Variants in ARHGAP26 observed in about 807,000 individuals in gnomAD.
ARHGAP26 encodes rho GTPase-activating protein 26.
In ARHGAP26, 38 loss-of-function variants were observed where a neutral mutation model predicts 104.8. The observed-to-expected ratio is 0.36, with a 90% CI of 0.28 to 0.48. ARHGAP26 has a LOEUF of 0.48. Among genes scored for constraint, ARHGAP26 ranks in the 20% least tolerant of loss-of-function variants. The pLI, the probability that ARHGAP26 is intolerant of heterozygous loss-of-function variation, is 0.99. For synonymous variants in ARHGAP26, 341 were observed against 340.0 expected (o/e 1.00, Z -0.03); for missense variants, 704 against 947.9 (o/e 0.74, Z 3.38).
intron 20 of ARHGAP26, among the ~76,000 whole-genome samples, chr5:143,154,635 A>G (rs951328323): frequency 6.6e-6 from 1 of 152,138 alleles, no homozygotes; most frequent in African/African-American, 2.4e-5. Context: ...TTAAGTGATC[A>G]GTGAAGAGGA....
chr5:142,911,649 A>T (rs1761853379), intron 9 of ARHGAP26, among the ~76,000 whole-genome samples: 1 of 152,212 alleles, frequency 6.6e-6, no homozygotes, highest in Non-Finnish European at 1.5e-5. Flanking sequence ...CTTGGAACAG[A>T]ATATTAATCT....
At chr5:143,168,474 T>TTTTTTTTTTC (rs1802342962) in intron 20 of ARHGAP26, 1 of 142,476 alleles carries the variant, frequency 7.0e-6, no homozygotes, top group Non-Finnish European at 1.5e-5. Context: ...TTTTTTTTTT[T>TTTTTTTTTTC]TTGCTCAAAT....
chr5:143,088,481 A>T (rs1032096375), intron 17 of ARHGAP26, among the ~76,000 whole-genome samples: 1 of 151,940 alleles, frequency 6.6e-6, no homozygotes, highest in Middle Eastern at 3.2e-3. Flanking sequence ...AAAAAAAAAA[A>T]GTGGTTATGT....
At chr5:142,862,309 C>G (rs1306460718) in intron 1 of ARHGAP26, among the ~76,000 whole-genome samples, 2 of 152,210 alleles carry the variant, frequency 1.3e-5, no homozygotes, top group Admixed American at 1.3e-4. Flanking sequence ...TTGAGTTTTC[C>G]ATTCACAGTT....
At position 142,940,811 on chromosome 5, in the gene ARHGAP26, T is replaced by C. The variant is rs368863628; in HGVS notation, c.1107+8686T>C. ...AAAGAATTTGGCCAGGTGCGGTGGC[T>C]CATGCCTGTAATCCCAGCACTTTGG... On this transcript the variant is annotated intron_variant, in intron 11 of 22. Transcript: ENST00000645722. 3.3e-5 allele frequency among the ~76,000 whole-genome samples: 5 copies of C among 152,136 alleles called. No homozygotes were observed. In the South Asian group the frequency reaches 6.2e-4, roughly 19 times the overall value.
chr5:142,898,231 CAT>C (rs767748231), intron 6 of ARHGAP26, among the ~76,000 whole-genome samples: 2 of 151,776 alleles, frequency 1.3e-5, no homozygotes, highest in Non-Finnish European at 1.5e-5. Context: ...TACGTATGTG[CAT>C]ATATATATGT....
intron 17 of ARHGAP26, among the ~76,000 whole-genome samples, chr5:143,079,012 A>G (rs1789436982): frequency 6.6e-6 from 1 of 152,232 alleles, no homozygotes; most frequent in African/African-American, 2.4e-5. Flanking sequence ...GTAAAGGATA[A>G]TATTGGCTGT....
At position 143,225,591 on chromosome 5, in the gene ARHGAP26, A is replaced by G; in HGVS notation, c.*3145A>G. On this transcript the variant is annotated 3_prime_UTR_variant, in exon 23 of 23. Transcript: ENST00000645722. ...TCCTTGCTTTGGGGGTGCCTCACGAAGCATCCCTGTAGACATTTGGCCCCA... is the reference window on the plus strand; with the variant it reads ...TCCTTGCTTTGGGGGTGCCTCACGAGGCATCCCTGTAGACATTTGGCCCCA... The G allele has an allele frequency of 4.6e-6, 1 of 216,240 alleles. No homozygotes were observed. Among genetic ancestry groups the G allele is most frequent in the East Asian group, 6.8e-5 (1 of 14,696 alleles). The allele number at this position is 216,240 out of a possible 1,614,324, so 13.4% of individuals were successfully genotyped here.
chr5:143,204,429 T>A (rs1296856523), intron 20 of ARHGAP26, among the ~76,000 whole-genome samples: 3 of 151,972 alleles, frequency 2.0e-5, no homozygotes, highest in Non-Finnish European at 2.9e-5. Flanking sequence ...GAGGCTGAGG[T>A]AGGAGAATCG....
chr5:142,963,164 G>GTATATATATATATATACATATATATA (rs1562164091), intron 11 of ARHGAP26, among the ~76,000 whole-genome samples: 3 of 75,474 alleles, frequency 4.0e-5, no homozygotes, highest in East Asian at 8.4e-4. Flanking sequence ...GTATTCCATG[G>GTATATATATATATATACATATATATA]TATATATGTA....
intron 17 of ARHGAP26, among the ~76,000 whole-genome samples, chr5:143,074,384 C>T (rs1788695279): frequency 6.6e-6 from 1 of 152,182 alleles, no homozygotes; most frequent in Non-Finnish European, 1.5e-5. Flanking sequence ...TGTCTGGTAT[C>T]CTGGCCTTTT....
intron 11 of ARHGAP26, among the ~76,000 whole-genome samples, chr5:143,013,569 A>T (rs916839334): frequency 2.0e-5 from 3 of 152,208 alleles, no homozygotes; most frequent in African/African-American, 7.2e-5. Context: ...AACAGTCAAC[A>T]GTTTTTGATG....
At chr5:143,177,135 T>G (rs923626169) in intron 20 of ARHGAP26, among the ~76,000 whole-genome samples, 1 of 152,234 alleles carries the variant, frequency 6.6e-6, no homozygotes. Flanking sequence ...TTCAATGTGC[T>G]GGTTTGGGTG....
chr5:143,167,072 C>T (rs1423350727), intron 20 of ARHGAP26, among the ~76,000 whole-genome samples: 1 of 152,118 alleles, frequency 6.6e-6, no homozygotes, highest in East Asian at 1.9e-4. Flanking sequence ...TATAACAGCA[C>T]AAGACAGTAT....
At chr5:142,889,542 C>T (rs112625612) in intron 5 of ARHGAP26, among the ~76,000 whole-genome samples, 2,257 of 152,162 alleles carry the variant, frequency 0.015, 57 homozygotes, top group African/African-American at 0.052. Context: ...CACTTGAACC[C>T]AGGAGGCGGA....
At chr5:142,897,051 G>A (rs202169547) in intron 6 of ARHGAP26, among the ~76,000 whole-genome samples, 3 of 152,218 alleles carry the variant, frequency 2.0e-5, no homozygotes, top group South Asian at 2.1e-4. Context: ...ATTGAATACC[G>A]TAGAAAATGC....
chr5:142,873,335 G>T (rs536946770), intron 1 of ARHGAP26, 65 bp from the exon 2 acceptor site: 162 of 1,228,150 alleles, frequency 1.3e-4, no homozygotes, highest in East Asian at 1.0e-3. Context: ...ACCAATAAGG[G>T]CAGCAAATCA....
chr5:143,147,013 C>A (rs959477383), intron 19 of ARHGAP26, among the ~76,000 whole-genome samples: 1 of 152,120 alleles, frequency 6.6e-6, no homozygotes, highest in Non-Finnish European at 1.5e-5. Flanking sequence ...CCTGTTATGA[C>A]GAGGAAAGGG....
At position 143,037,204 on chromosome 5, in the gene ARHGAP26, T is replaced by C; in HGVS notation, c.1153T>C (p.Leu385=). 1 of 1,602,118 alleles carries C rather than the reference T, an allele frequency of 6.2e-7. No individual in the cohort carries two copies. The highest frequency in any genetic ancestry group is 8.5e-7 in the Non-Finnish European group (1 of 1,171,090). ...KDSQSEGTAQ[L]DSIGFSIIRK... ...TTCTCTTGCTCTTTCAGCTGCGCAG[T>C]TGGACAGCATTGGCTTCAGCATAAT... is the stretch of plus-strand genomic sequence containing the variant. The change falls in exon 13 of 23, where the codon TTG becomes CTG. Residue 385 remains leucine (L), a synonymous_variant. Coordinates refer to ENST00000645722, the MANE Select transcript of ARHGAP26 (RefSeq NM_001135608.3).
Sources: allele counts gnomAD v4.1 joint callset (sites outside exome capture counted in the v4.1 genomes callset), GRCh38; gene constraint gnomAD v4.1.1; transcripts MANE v1.5; gene names NCBI Gene and HGNC (gene_info 2026-07-23, HGNC 2026-07-21).